INSR: variants seen among roughly 807,000 people sequenced by gnomAD.
The protein encoded by INSR is IR.
Under a neutral mutation model 142.6 loss-of-function variants are expected in INSR, and 67 were observed. The ratio of observed to expected loss-of-function variants is 0.47; its 90% CI spans 0.39 to 0.58. The LOEUF (loss-of-function observed/expected upper bound fraction) is 0.58. Ranked by LOEUF, INSR falls within the 20% of genes least tolerant of loss-of-function variation. The pLI is 0.00. For synonymous variants in INSR, 756 were observed against 743.1 expected (o/e 1.02, Z -0.28); for missense variants, 1,248 against 1,833.2 (o/e 0.68, Z 5.83).
intron 2 of INSR, among the ~76,000 whole-genome samples, chr19:7,261,986 T>C (rs1977079716): frequency 6.6e-6 from 1 of 152,146 alleles, no homozygotes; most frequent in Admixed American, 6.6e-5. Context: ...CCCCTGATGC[T>C]TCCAGAAGCT....
chr19:7,181,246 C>T (rs1377859605), intron 3 of INSR, among the ~76,000 whole-genome samples: 1 of 152,034 alleles, frequency 6.6e-6, no homozygotes, highest in African/African-American at 2.4e-5. Flanking sequence ...GCGCCTGGCC[C>T]AGGTGGCCAC....
intron 4 of INSR, among the ~76,000 whole-genome samples, chr19:7,173,256 G>T (rs1374142353): frequency 1.3e-5 from 2 of 152,156 alleles, no homozygotes; most frequent in Non-Finnish European, 2.9e-5. Context: ...TACTCACTGT[G>T]AGTATTCAGT....
intron 11 of INSR, among the ~76,000 whole-genome samples, chr19:7,143,378 G>A (rs1390643820): frequency 6.6e-6 from 1 of 152,096 alleles, no homozygotes; most frequent in Non-Finnish European, 1.5e-5. Context: ...CGACATGCTC[G>A]ATTTCAGGTT....
chr19:7,149,856 G>A (rs1411452654), intron 11 of INSR, among the ~76,000 whole-genome samples: 1 of 150,612 alleles, frequency 6.6e-6, no homozygotes, highest in Non-Finnish European at 1.5e-5. Flanking sequence ...GGAAGGGAGG[G>A]AGGGACGGAC....
intron 17 of INSR, 157 bp from the exon 18 acceptor site, chr19:7,123,146 C>G (rs986427837): frequency 3.1e-6 from 2 of 645,664 alleles, no homozygotes; most frequent in Admixed American, 2.5e-5. Context: ...CCTGCCCGGA[C>G]AGCAGACAGA....
chr19:7,229,032 T>C (rs1476322995), intron 2 of INSR, among the ~76,000 whole-genome samples: 3 of 147,256 alleles, frequency 2.0e-5, no homozygotes, highest in East Asian at 2.0e-4. Flanking sequence ...GATGGATGGA[T>C]GAATGGATGA....
At chr19:7,154,537 C>T (rs996505236) in intron 9 of INSR, among the ~76,000 whole-genome samples, 1 of 150,608 alleles carries the variant, frequency 6.6e-6, no homozygotes, top group Non-Finnish European at 1.5e-5. Flanking sequence ...CTCCTGACCT[C>T]GTGATCTGCC....
chr19:7,138,712 A>G (rs1183277118), intron 13 of INSR, among the ~76,000 whole-genome samples: 1 of 152,066 alleles, frequency 6.6e-6, no homozygotes, highest in Non-Finnish European at 1.5e-5. Context: ...CACCAATTCT[A>G]TGGATGCACC....
intron 1 of INSR, among the ~76,000 whole-genome samples, chr19:7,285,550 C>T (rs756272886): frequency 2.6e-5 from 4 of 152,116 alleles, no homozygotes; most frequent in South Asian, 2.1e-4. Context: ...GCAGGAGGAT[C>T]GTTGATGCTC....
At chr19:7,244,041 T>C (rs1341035563) in intron 2 of INSR, among the ~76,000 whole-genome samples, 2 of 152,166 alleles carry the variant, frequency 1.3e-5, no homozygotes, top group African/African-American at 4.8e-5. Context: ...CCATAATTTG[T>C]AGAGGACGAA....
chr19:7,228,980 A>AGGATGGATGGATGGATGGATGGAT (rs59628521), intron 2 of INSR, among the ~76,000 whole-genome samples: 7 of 137,732 alleles, frequency 5.1e-5, no homozygotes, highest in African/African-American at 1.9e-4. Flanking sequence ...AGTAGACAGA[A>AGGATGGATGGATGGATGGATGGAT]GGATGGATGG....
At position 7,172,198 on chromosome 19, in the gene INSR, C is replaced by T. The variant is rs8113777; in HGVS notation, c.1268+92G>A. 0.15 allele frequency: 209,540 copies of T among 1,412,672 alleles called. 16,938 individuals are homozygous for T. The highest frequency in any genetic ancestry group is 0.25 in the South Asian group (21,849 of 85,900). The allele number at this position is 1,412,672 out of a possible 1,614,324, so 87.5% of individuals were successfully genotyped here. ...AAATGCTGGGATTACAGGCATCAGC[C>T]ACCACACCTGGCCAAAAAAATCCTT... On this transcript the variant is annotated intron_variant, in intron 5 of 21. Coordinates refer to ENST00000302850, the MANE Select transcript of INSR (RefSeq NM_000208.4).
At position 7,267,639 on chromosome 19, in the gene INSR, G is replaced by A; in HGVS notation, c.358C>T (p.Leu120=). The stretch of plus-strand genomic sequence containing the variant: ...AGGTGAACCATCTCGAAGATGACCA[G>A]CGCGTAGTTAAAGAACAGTCGTGAT... ...RGSRLFFNYA[L]VIFEMVHLKE... The change falls in exon 2 of 22, where the codon CTG becomes TTG. Residue 120 remains leucine, a synonymous_variant. Transcript: ENST00000302850. The surrounding 1 kb of genome is among the most constrained non-coding windows in gnomAD (Gnocchi z 6.3). 1 of 1,614,018 alleles carries A rather than the reference G, an allele frequency of 6.2e-7. No individual in the cohort carries two copies. The highest frequency in any genetic ancestry group is 1.3e-5 in the African/African-American group (1 of 75,008).
intron 2 of INSR, among the ~76,000 whole-genome samples, chr19:7,197,013 A>G (rs1040045391): frequency 3.3e-5 from 5 of 152,130 alleles, no homozygotes; most frequent in Non-Finnish European, 5.9e-5. Context: ...GAGTCCCCGG[A>G]GCCAAATTCC....
At chr19:7,234,886 A>G (rs1207090895) in intron 2 of INSR, among the ~76,000 whole-genome samples, 4 of 152,076 alleles carry the variant, frequency 2.6e-5, no homozygotes. Context: ...ATGAAACCCC[A>G]TCTCTACGAA....
intron 2 of INSR, among the ~76,000 whole-genome samples, chr19:7,255,713 G>C (rs1445333624): frequency 6.6e-6 from 1 of 151,808 alleles, no homozygotes; most frequent in Non-Finnish European, 1.5e-5. Flanking sequence ...GAGTAGCTGG[G>C]ACTATAGGCA....
At chr19:7,262,780 G>A (rs1977103747) in intron 2 of INSR, among the ~76,000 whole-genome samples, 2 of 152,202 alleles carry the variant, frequency 1.3e-5, no homozygotes, top group African/African-American at 4.8e-5. Flanking sequence ...CCACTCACAG[G>A]AGGTCCCTAC....
In INSR at chr19:7,207,948, G is replaced by GGAAGGGAGGGAA. The variant is rs1375255118; in HGVS notation, c.653-23312_653-23311insTTCCCTCCCTTC. On this transcript the variant is annotated intron_variant, in intron 2 of 21. Coordinates refer to ENST00000302850, the MANE Select transcript of INSR (RefSeq NM_000208.4). ...AGGAAGGAAGGAAGGAAGGGAAGGAGGGAGGGAGGGAGGGAGGGAGGCAAA... is the reference window on the plus strand; with the variant it reads ...AGGAAGGAAGGAAGGAAGGGAAGGAGGAAGGGAGGGAAGGAGGGAGGGAGGGAGGGAGGCAAA... 1.3e-3 allele frequency among the ~76,000 whole-genome samples: 167 copies of GGAAGGGAGGGAA among 124,162 alleles called. 2 individuals carry two copies. The highest frequency in any genetic ancestry group is 3.8e-3 in the Middle Eastern group (1 of 260). The allele number at this position is 124,162 out of a possible 152,430, so 81.5% of individuals were successfully genotyped here. A position where few individuals can be genotyped will look rare whatever the true frequency, so the allele number is the denominator to read the frequency against.
intron 2 of INSR, among the ~76,000 whole-genome samples, chr19:7,186,379 G>A (rs868429299): frequency 1.7e-4 from 26 of 152,006 alleles, no homozygotes; most frequent in Non-Finnish European, 2.5e-4. Context: ...CTGCGATGAC[G>A]GAAATGTTCT....
Sources: allele counts gnomAD v4.1 joint callset (sites outside exome capture counted in the v4.1 genomes callset), GRCh38; gene constraint gnomAD v4.1.1; non-coding constraint Gnocchi (gnomAD v3.1); transcripts MANE v1.5; gene names NCBI Gene and HGNC (gene_info 2026-07-23, HGNC 2026-07-21).